Variants in WASHC2C observed in about 807,000 individuals in gnomAD.
WASHC2C encodes Vaccinia Penetration Factor.
Under a neutral mutation model 142.2 loss-of-function variants are expected in WASHC2C, and 73 were observed. The observed-to-expected ratio is 0.51, with a 90% confidence interval of 0.43 to 0.62. The LOEUF is 0.62. WASHC2C is among the 20% of genes least tolerant of loss of function. WASHC2C has a pLI of 0.00. For missense variants in WASHC2C, 969 were observed against 1,531.7 expected (o/e 0.63, Z 6.13); for synonymous variants, 337 against 565.5 (o/e 0.60, Z 5.73).
chr10:45,740,766 C>G (rs1270564206), intron 5 of WASHC2C, among the ~76,000 whole-genome samples: 1 of 152,266 alleles, frequency 6.6e-6, no homozygotes, highest in Non-Finnish European at 1.5e-5. Flanking sequence ...GCATTCATGT[C>G]CAGGCTCCCT....
At chr10:45,732,331 A>G (rs191496941) in intron 3 of WASHC2C, among the ~76,000 whole-genome samples, 2 of 152,350 alleles carry the variant, frequency 1.3e-5, no homozygotes, top group Admixed American at 1.3e-4. Flanking sequence ...AGGACTTTTT[A>G]GGGCAAGAGA....
At chr10:45,738,632 A>G (rs1458837382) in intron 4 of WASHC2C, among the ~76,000 whole-genome samples, 1 of 152,238 alleles carries the variant, frequency 6.6e-6, no homozygotes, top group African/African-American at 2.4e-5. Flanking sequence ...GGAAAAGGGT[A>G]TTCAAAACCA....
Position 45,750,192 on chromosome 10 carries a change from G to A in WASHC2C, c.829G>A (p.Glu277Lys), listed in dbSNP as rs1554873638. Residue 277 changes from glutamate (E) to lysine (K), a missense_variant, in exon 9 of 31, where the codon GAA becomes AAA. Glu to Lys is a moderately conservative substitution (Grantham distance 56, BLOSUM62 1). Transcript: ENST00000623400. ...KEEEDIEDIE[E>K]NTRPKRSRPT... is the part of the protein sequence containing the mutation. ...GGAGGAAGATATTGAGGACATTGAA[G>A]AAAATACTAGACCTGTAAGGAAGGC... 6.2e-7 allele frequency: 1 copy of A among 1,611,220 alleles called. No individual in the cohort carries two copies. Among genetic ancestry groups the A allele is most frequent in the African/African-American group, 1.3e-5 (1 of 74,750 alleles).
chr10:45,742,929 G>A (rs1246547201), intron 5 of WASHC2C, among the ~76,000 whole-genome samples: 1 of 145,340 alleles, frequency 6.9e-6, no homozygotes, highest in African/African-American at 2.6e-5. Flanking sequence ...AGGCTAGAGT[G>A]CAGTAGTGCA....
At chr10:45,785,009 T>C in intron 25 of WASHC2C, 108 bp downstream of exon 25, 1 of 1,607,464 alleles carries the variant, frequency 6.2e-7, no homozygotes. Context: ...TCGTGCTGCT[T>C]CCTGCTAAAT....
Position 45,758,510 on chromosome 10 carries a change from C to A in WASHC2C, c.1549-805C>A, listed in dbSNP as rs185573232. Among the ~76,000 whole-genome samples, 60 of 151,850 alleles carry A rather than the reference C, an allele frequency of 4.0e-4. No homozygotes were observed. In the South Asian group the frequency reaches 5.4e-3, roughly 14 times the overall value. Reference sequence around the variant, plus strand: ...AGTTGGCATTCTTCTGAATAAAGTTCTTTCTCTCCCCCTCCTTCCCCGATT... The same window carrying A: ...AGTTGGCATTCTTCTGAATAAAGTTATTTCTCTCCCCCTCCTTCCCCGATT... On this transcript the variant is annotated intron_variant, in intron 16 of 30. Transcript: ENST00000623400.
At chr10:45,730,670 A>G (rs2050456336) in intron 3 of WASHC2C, among the ~76,000 whole-genome samples, 1 of 149,884 alleles carries the variant, frequency 6.7e-6, no homozygotes, top group African/African-American at 2.5e-5. Context: ...CCCAGGCTGG[A>G]GTGCAGTGGT....
intron 17 of WASHC2C, among the ~76,000 whole-genome samples, 193 bp downstream of exon 17, chr10:45,759,594 C>T (rs1397467661): frequency 2.6e-5 from 4 of 151,950 alleles, no homozygotes; most frequent in Admixed American, 6.6e-5. Flanking sequence ...CCAAGGCAGG[C>T]GGATACCTGA....
Position 45,752,658 on chromosome 10 carries a change from T to C in WASHC2C, c.1074T>C (p.Gly358=). The C allele has an allele frequency of 6.2e-7, 1 of 1,609,610 alleles. No homozygotes were observed. Among genetic ancestry groups the C allele is most frequent in the Non-Finnish European group, 8.5e-7 (1 of 1,178,862 alleles). ...DEDFSPFGSG[G]GLFSGGKGLF... ...ACTTCTCGCCATTTGGCTCTGGAGGTGGCCTGTTCAGTGGCGGCAAGGGGC... is the reference window on the plus strand; with the variant it reads ...ACTTCTCGCCATTTGGCTCTGGAGGCGGCCTGTTCAGTGGCGGCAAGGGGC... The change falls in exon 12 of 31, where the codon GGT becomes GGC. Residue 358 remains glycine (G), a synonymous_variant. Transcript: ENST00000623400.
intron 22 of WASHC2C, 115 bp downstream of exon 22, chr10:45,777,540 A>C: frequency 8.8e-7 from 1 of 1,137,232 alleles, no homozygotes; most frequent in Non-Finnish European, 1.3e-6. Flanking sequence ...TTGTAGACAG[A>C]TTTGAAAACA....
chr10:45,748,047 A>C (rs1215060390), intron 8 of WASHC2C, among the ~76,000 whole-genome samples: 20 of 120,750 alleles, frequency 1.7e-4, no homozygotes, highest in African/African-American at 6.4e-4. Flanking sequence ...ATTATTTTAA[A>C]TTTCTTTTAG....
At chr10:45,741,943 A>G (rs1449044760) in intron 5 of WASHC2C, among the ~76,000 whole-genome samples, 2 of 151,792 alleles carry the variant, frequency 1.3e-5, no homozygotes, top group African/African-American at 4.8e-5. Context: ...ACAGGCATGT[A>G]ACATGACACC....
intron 26 of WASHC2C, chr10:45,785,852 T>C (rs1554889874): frequency 1.1e-6 from 1 of 885,764 alleles, no homozygotes; most frequent in African/African-American, 1.7e-5. Flanking sequence ...TTAGTGTTTT[T>C]TGATGCCATG....
Position 45,775,929 on chromosome 10 carries a change from C to G in WASHC2C, c.2143-1344C>G, listed in dbSNP as rs1435571686. Among the ~76,000 whole-genome samples the G allele has an allele frequency of 3.1e-4, 47 of 151,942 alleles. 1 individual carries two copies. The highest frequency in any genetic ancestry group is 1.5e-4 in the Non-Finnish European group (10 of 68,008). On this transcript the variant is annotated intron_variant, in intron 21 of 30. Transcript: ENST00000623400. The stretch of plus-strand genomic sequence containing the variant: ...TCTCCTGATCTCATGATCCGCCCAC[C>G]TTGGCCTCTCAAAGTGCTTGGATTA...
intron 26 of WASHC2C, 30 bp downstream of exon 26, chr10:45,785,661 T>A: frequency 6.2e-7 from 1 of 1,612,598 alleles, no homozygotes; most frequent in Non-Finnish European, 8.5e-7. Context: ...GATTTTCAGC[T>A]CTTGTTTGCA....
At chr10:45,746,756 G>A (rs1394535475) in intron 8 of WASHC2C, 109 bp downstream of exon 8, 109 of 1,454,956 alleles carry the variant, frequency 7.5e-5, no homozygotes, top group East Asian at 4.8e-4. Context: ...ATTTTTTCAT[G>A]TATACAATTT....
At chr10:45,761,935 A>G (rs1228285849) in intron 17 of WASHC2C, among the ~76,000 whole-genome samples, 1 of 152,014 alleles carries the variant, frequency 6.6e-6, no homozygotes. Context: ...CAGGGGAAAA[A>G]CACTGTGTGG....
intron 18 of WASHC2C, among the ~76,000 whole-genome samples, chr10:45,764,810 A>G (rs1353332414): frequency 2.0e-5 from 3 of 152,272 alleles, no homozygotes; most frequent in Admixed American, 6.5e-5. Flanking sequence ...GTGCCGGCAC[A>G]TAATAAGTGC....
intron 3 of WASHC2C, among the ~76,000 whole-genome samples, chr10:45,737,649 C>T (rs532696919): frequency 1.3e-5 from 2 of 152,130 alleles, no homozygotes; most frequent in Non-Finnish European, 2.9e-5. Context: ...TGTATCATTG[C>T]CCATCAACAT....
Sources: allele counts gnomAD v4.1 joint callset (sites outside exome capture counted in the v4.1 genomes callset), GRCh38; gene constraint gnomAD v4.1.1; transcripts MANE v1.5; gene names NCBI Gene and HGNC (gene_info 2026-07-23, HGNC 2026-07-21).